TNNT2: variants seen among roughly 807,000 people sequenced by gnomAD.
The protein encoded by TNNT2 is troponin T, cardiac muscle.
Under a neutral mutation model 62.4 loss-of-function variants are expected in TNNT2, and 34 were observed. That is an observed-to-expected ratio of 0.54 (90% CI 0.41 to 0.72). The LOEUF (loss-of-function observed/expected upper bound fraction) is 0.72. TNNT2 is among the 30% of genes least tolerant of loss of function. The pLI, the probability that TNNT2 is intolerant of heterozygous loss-of-function variation, is 0.00. For synonymous variants in TNNT2, 123 were observed against 127.2 expected (o/e 0.97, Z 0.22); for missense variants, 275 against 381.9 (o/e 0.72, Z 2.33).
chr1:201,365,572 C>T lies in TNNT2; in HGVS notation c.294+38G>A, dbSNP rs371150138. 280 of 1,607,264 alleles carry T rather than the reference C, an allele frequency of 1.7e-4. 1 individual carries two copies. The African/African-American group carries it at 2.9e-3, about 17-fold the overall frequency. ...GTCACTGAGGGCCCTTGGGACTATC[C>T]CCAGCCCAGGCCTACTCAACCCACA... On this transcript the variant is annotated intron_variant, in intron 9 of 16. Coordinates refer to ENST00000656932, the MANE Select transcript of TNNT2 (RefSeq NM_001276345.2).
rs2102310104 is a variant in TNNT2 at position 201,372,216 on chromosome 1, CTGCACACACA to C, written c.42-71_42-62del. 5 of 1,610,022 alleles carry C rather than the reference CTGCACACACA, an allele frequency of 3.1e-6. No individual in the cohort carries two copies. The East Asian group carries it at 6.7e-5, about 22-fold the overall frequency. ...CACAAGCACATGCAAACACACACGC[CTGCACACACA>C]TGCACACACTGGCCTTTCCCCAAAG... On this transcript the variant is annotated intron_variant, in intron 2 of 16. Transcript: ENST00000656932.
chr1:201,365,851 G>A (rs780169790), intron 8 of TNNT2, 181 bp from the exon 9 acceptor site: 4 of 1,490,682 alleles, frequency 2.7e-6, no homozygotes, highest in Non-Finnish European at 3.6e-6. Flanking sequence ...CAGCACCTGG[G>A]AATACACAAA....
intron 15 of TNNT2, 30 bp downstream of exon 15, chr1:201,361,249 A>C (rs374802947): frequency 7.6e-5 from 123 of 1,608,000 alleles, no homozygotes; most frequent in Non-Finnish European, 5.1e-6. Flanking sequence ...TGAGATGGAG[A>C]TGCTGGGCGG....
rs373620818 is a variant in TNNT2, at chr1:201,359,277, G to C, written c.852-22C>G. The C allele has an allele frequency of 3.2e-5, 52 of 1,608,744 alleles. No homozygotes were observed. The African/African-American group carries it at 6.4e-4, about 20-fold the overall frequency. ...GGAGCTGCAGGGGAAGCAGGACGCA[G>C]TGACATGGAGACACAGGCAGGGTAG... On this transcript the variant is annotated intron_variant, in intron 16 of 16. Transcript: ENST00000656932.
chr1:201,367,915 CTG>C, intron 6 of TNNT2, 109 bp from the exon 7 acceptor site: 1 of 1,384,388 alleles, frequency 7.2e-7, no homozygotes, highest in Non-Finnish European at 1.0e-6. Flanking sequence ...AAGATGCACT[CTG>C]TTGGTTTTTG....
chr1:201,372,680 A>G (rs1445642974), intron 2 of TNNT2, among the ~76,000 whole-genome samples: 1 of 152,226 alleles, frequency 6.6e-6, no homozygotes, highest in Non-Finnish European at 1.5e-5. Context: ...TGAGGGCAGT[A>G]GCCGTGCCTA....
At chr1:201,365,039 G>A in intron 10 of TNNT2, 152 bp downstream of exon 10, 2 of 774,086 alleles carry the variant, frequency 2.6e-6, no homozygotes, top group Non-Finnish European at 4.8e-6. Context: ...CAGGAGCTGT[G>A]CAGAATGCTG....
intron 5 of TNNT2, 138 bp downstream of exon 5, chr1:201,369,678 G>T: frequency 1.0e-6 from 1 of 994,770 alleles, no homozygotes; most frequent in Non-Finnish European, 1.6e-6. Flanking sequence ...CTGGGAGGCA[G>T]GGGAGGAAAC....
At chr1:201,360,948 G>C in intron 15 of TNNT2, 1 of 404,068 alleles carries the variant, frequency 2.5e-6, no homozygotes, top group East Asian at 5.8e-5. Context: ...CCTTCCACTG[G>C]GGGTCCTGGC....
chr1:201,367,542 G>C (rs1659882355), intron 7 of TNNT2: 2 of 629,174 alleles, frequency 3.2e-6, no homozygotes, highest in East Asian at 2.7e-5. Flanking sequence ...GCTGGACAAT[G>C]GTCCCCTCTC....
In TNNT2 at chr1:201,359,274, G is replaced by A. The variant is rs759855940; in HGVS notation, c.852-19C>T. On this transcript the variant is annotated intron_variant, in intron 16 of 16. Coordinates refer to ENST00000656932, the MANE Select transcript of TNNT2 (RefSeq NM_001276345.2). ...CTTGGAGCTGCAGGGGAAGCAGGAC[G>A]CAGTGACATGGAGACACAGGCAGGG... The A allele has an allele frequency of 1.1e-4, 177 of 1,609,058 alleles. No individual in the cohort carries two copies. The highest frequency in any genetic ancestry group is 2.0e-4 in the East Asian group (9 of 44,760).
At chr1:201,367,245 T>G in intron 7 of TNNT2, 1 of 417,064 alleles carries the variant, frequency 2.4e-6, no homozygotes, top group Non-Finnish European at 4.5e-6. Flanking sequence ...GTCTTTGCCT[T>G]CTTTGTTACC....
At chr1:201,367,985 A>G (rs1659965695) in intron 6 of TNNT2, among the ~76,000 whole-genome samples, 177 bp downstream of exon 6, 1 of 152,116 alleles carries the variant, frequency 6.6e-6, no homozygotes, top group Non-Finnish European at 1.5e-5. Flanking sequence ...TGCCTGACAC[A>G]AGAGAAGCGC....
chr1:201,360,679 T>TTCC (rs1029257338), intron 15 of TNNT2: 32 of 156,910 alleles, frequency 2.0e-4, no homozygotes, highest in Admixed American at 4.9e-4. Context: ...AGCTGAATTC[T>TTCC]TCCCTTAGGT....
intron 4 of TNNT2, among the ~76,000 whole-genome samples, chr1:201,371,526 T>A (rs192470896): frequency 4.6e-5 from 7 of 152,312 alleles, no homozygotes; most frequent in African/African-American, 1.7e-4. Flanking sequence ...TTTTAAGTAG[T>A]GCTTATCTCT....
chr1:201,366,488 C>T (rs995252021), intron 8 of TNNT2: 2 of 1,183,340 alleles, frequency 1.7e-6, no homozygotes, highest in African/African-American at 3.1e-5. Context: ...TGGCTCCCCA[C>T]AATTTGCTTC....
At chr1:201,370,645 G>T (rs774263278) in intron 4 of TNNT2, among the ~76,000 whole-genome samples, 8 of 152,214 alleles carry the variant, frequency 5.3e-5, no homozygotes, top group Non-Finnish European at 7.3e-5. Context: ...AACTGTGTGG[G>T]AGGCAAGTCT....
intron 12 of TNNT2, 110 bp downstream of exon 12, chr1:201,363,186 C>A (rs1184736122): frequency 6.2e-7 from 1 of 1,601,236 alleles, no homozygotes; most frequent in African/African-American, 1.3e-5. Flanking sequence ...CCCACAGCAG[C>A]TGGGAATCTC....
At chr1:201,368,271 A>T in intron 5 of TNNT2, 44 bp from the exon 6 acceptor site, 1 of 1,598,268 alleles carries the variant, frequency 6.3e-7, no homozygotes, top group Non-Finnish European at 8.6e-7. Flanking sequence ...GGCCCCACTC[A>T]TGCTATCAGG....
Sources: gnomAD v4.1 joint callset for allele counts (sites outside exome capture counted in the v4.1 genomes callset) on GRCh38, gnomAD v4.1.1 for gene constraint, MANE v1.5 for transcripts, NCBI Gene and HGNC (gene_info 2026-07-23, HGNC 2026-07-21) for gene names.